The following TAFA1 variants were observed in gnomAD, a reference collection of about 807,000 sequenced individuals.
The protein encoded by TAFA1 is chemokine-like protein TAFA-1.
A neutral mutation model predicts 18.5 loss-of-function variants in TAFA1; 4 were observed. That is an observed-to-expected ratio of 0.22 (90% CI 0.11 to 0.49). The LOEUF (loss-of-function observed/expected upper bound fraction) is 0.49. Ranked by LOEUF, TAFA1 falls within the 20% of genes least tolerant of loss-of-function variation. TAFA1 has a pLI of 0.98. For missense variants in TAFA1, 147 were observed against 169.0 expected, an observed-to-expected ratio of 0.87 and a Z score of 0.72; for synonymous variants, 56 against 55.2, an observed-to-expected ratio of 1.01 and a Z score of -0.06.
intron 2 of TAFA1, among the ~76,000 whole-genome samples, chr3:68,051,053 T>C (rs763031439): frequency 6.6e-6 from 1 of 152,088 alleles, no homozygotes; most frequent in African/African-American, 2.4e-5. Context: ...CTTGATGACT[T>C]TCTACTTTGG....
intron 2 of TAFA1, among the ~76,000 whole-genome samples, chr3:68,184,451 C>A (rs573340704): frequency 6.6e-6 from 1 of 152,040 alleles, no homozygotes; most frequent in Non-Finnish European, 1.5e-5. Context: ...TGATGATAAG[C>A]ACTGTGTGCA....
chr3:68,141,384 T>C (rs1278897465), intron 2 of TAFA1, among the ~76,000 whole-genome samples: 1 of 152,222 alleles, frequency 6.6e-6, no homozygotes, highest in Non-Finnish European at 1.5e-5. Context: ...ATCCTCATTA[T>C]ATGACAGGAG....
chr3:68,169,941 A>G (rs111598294), intron 2 of TAFA1, among the ~76,000 whole-genome samples: 156 of 152,236 alleles, frequency 1.0e-3, no homozygotes, highest in African/African-American at 3.5e-3. Context: ...CTTTCAAGAA[A>G]CCCTTGCAGA....
At chr3:68,069,514 A>G (rs1225130784) in intron 2 of TAFA1, among the ~76,000 whole-genome samples, 1 of 152,160 alleles carries the variant, frequency 6.6e-6, no homozygotes, top group African/African-American at 2.4e-5. Context: ...GTGGGGACAC[A>G]GCCAAACCGT....
chr3:68,181,804 T>C (rs571020081), intron 2 of TAFA1, among the ~76,000 whole-genome samples: 150 of 152,296 alleles, frequency 9.8e-4, no homozygotes, highest in African/African-American at 3.4e-3. Flanking sequence ...GTTGCAACAC[T>C]TTCATCTGTA....
intron 2 of TAFA1, among the ~76,000 whole-genome samples, chr3:68,125,003 G>A (rs569976994): frequency 3.9e-5 from 6 of 152,208 alleles, no homozygotes; most frequent in Non-Finnish European, 5.9e-5. Flanking sequence ...CGTTGACTGA[G>A]ACTCTTGTAA....
intron 2 of TAFA1, among the ~76,000 whole-genome samples, chr3:68,011,895 C>T (rs1704480325): frequency 6.6e-6 from 1 of 152,144 alleles, no homozygotes. Flanking sequence ...ATATTTCCTG[C>T]TGATCTTATG....
chr3:68,058,335 CCAGTACATAATAA>C (rs2106719486), intron 2 of TAFA1, among the ~76,000 whole-genome samples: 1 of 152,196 alleles, frequency 6.6e-6, no homozygotes, highest in South Asian at 2.1e-4. Flanking sequence ...AAGAGAGTTC[CCAGTACATAATAA>C]CAGCTCAAAA....
chr3:68,139,453 G>T (rs2065644473), intron 2 of TAFA1, among the ~76,000 whole-genome samples: 1 of 152,004 alleles, frequency 6.6e-6, no homozygotes, highest in African/African-American at 2.4e-5. Flanking sequence ...AACATTATGG[G>T]GAAATATTGA....
upstream of TAFA1, among the ~76,000 whole-genome samples, chr3:68,002,772 A>G (rs1467728131): frequency 1.3e-5 from 2 of 152,200 alleles, no homozygotes; most frequent in Non-Finnish European, 2.9e-5. Context: ...TTTTACTACC[A>G]CACAACCTTG....
chr3:68,346,997 G>GCATTAGTCC (rs1559627331), intron 2 of TAFA1, among the ~76,000 whole-genome samples: 5 of 152,108 alleles, frequency 3.3e-5, no homozygotes, highest in Admixed American at 2.6e-4. Context: ...TTCTCAGAAG[G>GCATTAGTCC]TTCTTTTGCA....
chr3:68,155,015 C>G (rs2065850455), intron 2 of TAFA1, among the ~76,000 whole-genome samples: 1 of 152,176 alleles, frequency 6.6e-6, no homozygotes, highest in Non-Finnish European at 1.5e-5. Context: ...TATGCCTTAT[C>G]AACAACCCAG....
intron 2 of TAFA1, among the ~76,000 whole-genome samples, chr3:68,262,212 A>G (rs1248702797): frequency 6.8e-6 from 1 of 146,802 alleles, no homozygotes; most frequent in African/African-American, 2.5e-5. Context: ...TTTTTCTCCC[A>G]TTATGATTCA....
intron 2 of TAFA1, among the ~76,000 whole-genome samples, chr3:68,336,067 T>C (rs920225400): frequency 7.8e-4 from 119 of 152,234 alleles, no homozygotes; most frequent in African/African-American, 2.8e-3. Context: ...ACCACACTTT[T>C]GCCAGCTGTG....
At chr3:68,387,300 A>G (rs567535370) in intron 2 of TAFA1, among the ~76,000 whole-genome samples, 1 of 152,264 alleles carries the variant, frequency 6.6e-6, no homozygotes, top group South Asian at 2.1e-4. Context: ...TCTATAGCTC[A>G]GTTTGCAAAA....
chr3:68,470,014 G>A (rs2071966288), intron 3 of TAFA1, among the ~76,000 whole-genome samples: 1 of 152,132 alleles, frequency 6.6e-6, no homozygotes, highest in Admixed American at 6.5e-5. Flanking sequence ...ATCTCACCTT[G>A]AATTATAATC....
At chr3:68,305,896 A>G (rs1238744301) in intron 2 of TAFA1, among the ~76,000 whole-genome samples, 1 of 152,212 alleles carries the variant, frequency 6.6e-6, no homozygotes, top group Admixed American at 6.5e-5. Flanking sequence ...GGACATGATA[A>G]CACTACAAGG....
chr3:68,330,270 G>A (rs2068844315), intron 2 of TAFA1, among the ~76,000 whole-genome samples: 1 of 152,128 alleles, frequency 6.6e-6, no homozygotes, highest in Non-Finnish European at 1.5e-5. Flanking sequence ...TGGGTTGCAT[G>A]CCCTTTCCTG....
At chr3:68,440,975 T>G (rs896869440) in intron 3 of TAFA1, among the ~76,000 whole-genome samples, 2 of 152,184 alleles carry the variant, frequency 1.3e-5, no homozygotes, top group African/African-American at 4.8e-5. Context: ...GAACTATATC[T>G]GACTAAAATT....
Sources: gnomAD v4.1 joint callset for allele counts (sites outside exome capture counted in the v4.1 genomes callset) on GRCh38, gnomAD v4.1.1 for gene constraint, MANE v1.5 for transcripts, NCBI Gene and HGNC (gene_info 2026-07-23, HGNC 2026-07-21) for gene names.